The following NEBL variants were observed in gnomAD, a reference collection of about 807,000 sequenced individuals.
NEBL encodes the protein LIM and SH3 protein 2.
NEBL carries 122 observed loss-of-function variants against 140.2 expected under a neutral mutation model. The observed-to-expected ratio is 0.87, with a 90% CI of 0.75 to 1.01. The LOEUF (loss-of-function observed/expected upper bound fraction) is 1.01. NEBL is among the 50% of genes least tolerant of loss of function. The pLI, the probability that NEBL is intolerant of heterozygous loss-of-function variation, is 0.00. For missense variants in NEBL, 1,365 were observed against 1,231.3 expected (o/e 1.11, Z -1.62); for synonymous variants, 436 against 398.9 (o/e 1.09, Z -1.11).
chr10:21,288,841 TA>T (rs1564556741), intron 1 of NEBL, among the ~76,000 whole-genome samples: 1,927 of 88,928 alleles, frequency 0.022, 152 homozygotes, highest in African/African-American at 0.084. Context: ...TATATATATA[TA>T]TATATATAAA....
chr10:20,917,311 T>C (rs1833351284), intron 4 of NEBL, among the ~76,000 whole-genome samples: 1 of 152,042 alleles, frequency 6.6e-6, no homozygotes. Context: ...GCCTGATACA[T>C]TCCATTCATT....
chr10:21,170,977 A>G (rs1036725198), intron 2 of NEBL, among the ~76,000 whole-genome samples: 26 of 152,192 alleles, frequency 1.7e-4, no homozygotes, highest in African/African-American at 5.8e-4. Context: ...CCAAAAGGCC[A>G]GGGGTCCAAA....
intron 2 of NEBL, among the ~76,000 whole-genome samples, chr10:21,166,219 C>CAAAAAAAAAA (rs1170225891): frequency 4.5e-4 from 16 of 35,390 alleles, no homozygotes; most frequent in South Asian, 2.6e-3. Flanking sequence ...GACTGTGTCT[C>CAAAAAAAAAA]AAAAAAAAAA....
chr10:20,893,087 A>G (rs1847161069), intron 2 of NEBL, among the ~76,000 whole-genome samples: 1 of 152,322 alleles, frequency 6.6e-6, no homozygotes. Context: ...GCAGATGAAC[A>G]CCCTAAACAG....
At chr10:21,160,328 C>G (rs1056763493) in intron 2 of NEBL, among the ~76,000 whole-genome samples, 5 of 152,138 alleles carry the variant, frequency 3.3e-5, no homozygotes, top group Non-Finnish European at 7.3e-5. Flanking sequence ...ATATATGACA[C>G]AAGAGGCGCA....
chr10:21,002,806 C>T (rs1837962193), intron 3 of NEBL, among the ~76,000 whole-genome samples: 1 of 152,124 alleles, frequency 6.6e-6, no homozygotes, highest in Non-Finnish European at 1.5e-5. Flanking sequence ...TCAATCACCT[C>T]CCACCAGGCC....
chr10:20,956,165 T>A (rs1026201643), intron 4 of NEBL, among the ~76,000 whole-genome samples: 1 of 152,132 alleles, frequency 6.6e-6, no homozygotes, highest in African/African-American at 2.4e-5. Flanking sequence ...AACCACAGAT[T>A]TGGAAACAAG....
chr10:21,169,068 ATATAT>A (rs1475093282), intron 2 of NEBL, among the ~76,000 whole-genome samples: 43 of 18,044 alleles, frequency 2.4e-3, no homozygotes, highest in South Asian at 7.1e-3. Context: ...AAAAAAAAAA[ATATAT>A]ATATATATAT....
At chr10:21,094,361 G>C (rs1169894019) in intron 2 of NEBL, among the ~76,000 whole-genome samples, 1 of 152,028 alleles carries the variant, frequency 6.6e-6, no homozygotes, top group Non-Finnish European at 1.5e-5. Context: ...AATTAGCCGG[G>C]TGCAGTGGCA....
chr10:20,788,218 G>T (rs949446839), intron 26 of NEBL, among the ~76,000 whole-genome samples: 6 of 152,158 alleles, frequency 3.9e-5, no homozygotes, highest in African/African-American at 1.4e-4. Context: ...AGCTATAAAT[G>T]AGGGTATTTT....
chr10:21,121,162 T>C (rs985481821), intron 2 of NEBL, among the ~76,000 whole-genome samples: 1 of 152,198 alleles, frequency 6.6e-6, no homozygotes, highest in African/African-American at 2.4e-5. Context: ...TACTCTTTCA[T>C]TCCTTATCTC....
intron 3 of NEBL, among the ~76,000 whole-genome samples, chr10:20,989,445 A>G (rs1484103207): frequency 6.6e-6 from 1 of 152,190 alleles, no homozygotes; most frequent in African/African-American, 2.4e-5. Context: ...TAGTCTTCAA[A>G]TCGATATATA....
intron 2 of NEBL, among the ~76,000 whole-genome samples, chr10:21,057,521 A>C (rs1835074401): frequency 6.8e-6 from 1 of 147,656 alleles, no homozygotes. Flanking sequence ...TCTAAATGAT[A>C]CCTAATAGCC....
intron 2 of NEBL, among the ~76,000 whole-genome samples, chr10:21,166,873 G>C (rs926624189): frequency 2.6e-5 from 4 of 152,172 alleles, no homozygotes; most frequent in Admixed American, 6.5e-5. Context: ...CAAGTCCTTG[G>C]AGTGTTCTAG....
chr10:20,921,551 C>A (rs910538185), intron 4 of NEBL, among the ~76,000 whole-genome samples: 4 of 152,222 alleles, frequency 2.6e-5, no homozygotes, highest in African/African-American at 9.6e-5. Context: ...TCCCCTCCCA[C>A]AATTCCAGTT....
rs1436229405 is a variant in NEBL at position 20,812,667 on chromosome 10, CAT to C, written c.2518+100_2518+101del. 4 of 1,415,554 alleles carry C rather than the reference CAT, an allele frequency of 2.8e-6. No individual in the cohort carries two copies. In the African/African-American group the frequency reaches 5.7e-5, roughly 20 times the overall value. The allele number at this position is 1,415,554 out of a possible 1,614,324, so 87.7% of individuals were successfully genotyped here. On this transcript the variant is annotated intron_variant, in intron 24 of 27. Transcript: ENST00000377122. The stretch of plus-strand genomic sequence containing the variant: ...ATTTTAAATTGGGTACCACAACCAA[CAT>C]GTGATGAGGAGTCAGATGACTCAAG...
intron 7 of NEBL, among the ~76,000 whole-genome samples, chr10:20,862,603 G>C (rs921079090): frequency 6.6e-6 from 1 of 152,156 alleles, no homozygotes; most frequent in African/African-American, 2.4e-5. Flanking sequence ...ATGCAGGTTT[G>C]CATCTTCTGA....
chr10:20,992,332 A>G (rs548031265), intron 3 of NEBL, among the ~76,000 whole-genome samples: 2 of 152,316 alleles, frequency 1.3e-5, no homozygotes, highest in East Asian at 1.9e-4. Context: ...AGTTATAGAT[A>G]CTTTCTCAAC....
At chr10:21,269,244 C>T (rs914990058) in intron 1 of NEBL, among the ~76,000 whole-genome samples, 6 of 152,174 alleles carry the variant, frequency 3.9e-5, no homozygotes, top group Non-Finnish European at 7.3e-5. Context: ...TGTACAACAA[C>T]AGCAGATGCT....
Sources: gnomAD v4.1 joint callset for allele counts (sites outside exome capture counted in the v4.1 genomes callset) on GRCh38, gnomAD v4.1.1 for gene constraint, MANE v1.5 for transcripts, NCBI Gene and HGNC (gene_info 2026-07-23, HGNC 2026-07-21) for gene names.